Variants in DPPA3 observed in about 807,000 individuals in gnomAD.
The protein encoded by DPPA3 is developmental pluripotency-associated protein 3.
Under a neutral mutation model 15.6 loss-of-function variants are expected in DPPA3, and 9 were observed. That is an observed-to-expected ratio of 0.58 (90% CI 0.35 to 1.01). The LOEUF is 1.01. Ranked by LOEUF, DPPA3 falls within the 50% of genes least tolerant of loss-of-function variation. DPPA3 has a pLI of 0.02. For synonymous variants in DPPA3, 61 were observed against 70.9 expected, an observed-to-expected ratio of 0.86 and a Z score of 0.70; for missense variants, 148 against 194.6, an observed-to-expected ratio of 0.76 and a Z score of 1.42.
At chr12:7,713,014 C>T (rs1005287822) in intron 1 of DPPA3, among the ~76,000 whole-genome samples, 4 of 152,256 alleles carry the variant, frequency 2.6e-5, no homozygotes, top group African/African-American at 4.8e-5. Flanking sequence ...CGGAGGGCGG[C>T]TTATCTAGAA....
intron 1 of DPPA3, among the ~76,000 whole-genome samples, chr12:7,713,728 G>A (rs1254603892): frequency 6.6e-6 from 1 of 152,182 alleles, no homozygotes; most frequent in East Asian, 1.9e-4. Context: ...GCCCAGTTTT[G>A]CTTAAGGATG....
chr12:7,712,462 A>AT (rs1056272942), intron 1 of DPPA3, among the ~76,000 whole-genome samples: 1 of 151,080 alleles, frequency 6.6e-6, no homozygotes, highest in African/African-American at 2.4e-5. Context: ...TTATTTATAT[A>AT]TTTTTTTGAG....
chr12:7,712,606 C>T (rs1864357026), intron 1 of DPPA3, among the ~76,000 whole-genome samples: 3 of 152,186 alleles, frequency 2.0e-5, no homozygotes, highest in African/African-American at 7.2e-5. Flanking sequence ...GCCACCACGC[C>T]CGGCTAATCT....
chr12:7,713,151 C>A (rs991806382), intron 1 of DPPA3, among the ~76,000 whole-genome samples: 3 of 152,244 alleles, frequency 2.0e-5, no homozygotes, highest in African/African-American at 7.2e-5. Flanking sequence ...TTATTTATGA[C>A]CCTGACAGCG....
chr12:7,716,106 A>C, intron 2 of DPPA3, 92 bp from the exon 3 acceptor site: 1 of 1,176,850 alleles, frequency 8.5e-7, no homozygotes, highest in East Asian at 2.5e-5. Context: ...CTGTCTCAAC[A>C]AATTCCCTAG....
rs1864389551 is a variant in DPPA3 at position 7,715,441 on chromosome 12, A to C, written c.327+14A>C. On this transcript the variant is annotated intron_variant, in intron 2 of 3. Coordinates refer to ENST00000345088, the MANE Select transcript of DPPA3 (RefSeq NM_199286.4). ...GGAGTTCGTACGGTATGTTGATGTG[A>C]TGTGGCCGGGGCTGTCCAATTCCGG... 1 of 1,613,690 alleles carries C rather than the reference A, an allele frequency of 6.2e-7. No homozygotes were observed. Among genetic ancestry groups the C allele is most frequent in the African/African-American group, 1.3e-5 (1 of 74,888 alleles).
chr12:7,716,327 A>T (rs1864399164), intron 3 of DPPA3, 88 bp downstream of exon 3: 2 of 1,072,588 alleles, frequency 1.9e-6, no homozygotes, highest in African/African-American at 3.3e-5. Context: ...TTTTGCCGGA[A>T]TAGGGAATTA....
Position 7,715,177 on chromosome 12 carries a change from T to C in DPPA3, c.83-6T>C, listed in dbSNP as rs1433549874. 3.1e-6 allele frequency: 5 copies of C among 1,613,052 alleles called. No individual in the cohort carries two copies. The highest frequency in any genetic ancestry group is 1.3e-5 in the African/African-American group (1 of 74,890). On this transcript the variant is annotated splice_region_variant and splice_polypyrimidine_tract_variant and intron_variant, in intron 1 of 3. Coordinates refer to ENST00000345088, the MANE Select transcript of DPPA3 (RefSeq NM_199286.4). ...TAATGTAATGGCTTTTAACCTTCTC[T>C]TTCAGGGGCCTCTCAAATCTCCTCC...
At chr12:7,716,633 G>T (rs1311566731) in intron 3 of DPPA3, among the ~76,000 whole-genome samples, 3 of 152,044 alleles carry the variant, frequency 2.0e-5, no homozygotes, top group Non-Finnish European at 4.4e-5. Flanking sequence ...ATATCTTCAC[G>T]GTAGCACTGT....
At position 7,712,159 on chromosome 12, in the gene DPPA3, C is replaced by G. The variant is rs7296662; in HGVS notation, c.82+507C>G. ...CTTGATCTCCTTACCTCGTGATCCGCCCGCCTCGGCCTCCCAAAGTACTGG... is the reference window on the plus strand; with the variant it reads ...CTTGATCTCCTTACCTCGTGATCCGGCCGCCTCGGCCTCCCAAAGTACTGG... On this transcript the variant is annotated intron_variant, in intron 1 of 3. Coordinates refer to ENST00000345088, the MANE Select transcript of DPPA3 (RefSeq NM_199286.4). Among the ~76,000 whole-genome samples, 368 of 149,746 alleles carry G rather than the reference C, an allele frequency of 2.5e-3. 3 individuals are homozygous for G. Among genetic ancestry groups the G allele is most frequent in the African/African-American group, 8.9e-3 (361 of 40,736 alleles).
chr12:7,716,903 A>G, intron 3 of DPPA3, 64 bp from the exon 4 acceptor site: 1 of 1,388,082 alleles, frequency 7.2e-7, no homozygotes, highest in South Asian at 1.2e-5. Context: ...ATTATAGTTG[A>G]GGGCTTATTA....
chr12:7,715,554 G>T, intron 2 of DPPA3, 127 bp downstream of exon 2: 2 of 1,414,928 alleles, frequency 1.4e-6, no homozygotes, highest in East Asian at 2.4e-5. Flanking sequence ...TGAGCACTTC[G>T]GGAGGCTGAG....
chr12:7,711,474 T>C lies in DPPA3; in HGVS notation c.-97T>C. On this transcript the variant is annotated 5_prime_UTR_variant, in exon 1 of 4. Coordinates refer to ENST00000345088, the MANE Select transcript of DPPA3 (RefSeq NM_199286.4). ...TTCGTTGGAGCTCCGGTTTTCAGCCTCTTTCCGGGCTACCTGGTAGCAATT... is the reference window on the plus strand; with the variant it reads ...TTCGTTGGAGCTCCGGTTTTCAGCCCCTTTCCGGGCTACCTGGTAGCAATT... The C allele has an allele frequency of 8.7e-7, 1 of 1,153,154 alleles. No individual in the cohort carries two copies. Among genetic ancestry groups the C allele is most frequent in the Non-Finnish European group, 1.2e-6 (1 of 822,416 alleles). 71.4% of individuals were successfully genotyped at this position (1,153,154 alleles called of 1,614,324 possible).
intron 1 of DPPA3, among the ~76,000 whole-genome samples, 191 bp from the exon 2 acceptor site, chr12:7,714,992 C>T (rs1174997991): frequency 6.6e-6 from 1 of 152,138 alleles, no homozygotes; most frequent in African/African-American, 2.4e-5. Flanking sequence ...GGATTACAGG[C>T]GTGAGCCACC....
chr12:7,712,933 C>T (rs1200370110), intron 1 of DPPA3, among the ~76,000 whole-genome samples: 1 of 152,158 alleles, frequency 6.6e-6, no homozygotes, highest in Non-Finnish European at 1.5e-5. Flanking sequence ...AGACTAACAG[C>T]TTCACTGGGA....
At position 7,715,283 on chromosome 12, in the gene DPPA3, C is replaced by T. The variant is rs760662809; in HGVS notation, c.183C>T (p.Leu61=). 4.3e-6 allele frequency: 7 copies of T among 1,613,910 alleles called. No individual in the cohort carries two copies. Among genetic ancestry groups the T allele is most frequent in the Non-Finnish European group, 5.9e-6 (7 of 1,179,886 alleles). The change falls in exon 2 of 4, where the codon CTC becomes CTT. Residue 61 remains leucine (L), a synonymous_variant. Coordinates refer to ENST00000345088, the MANE Select transcript of DPPA3 (RefSeq NM_199286.4). The part of the protein sequence containing the change: ...ESVSPLSEAL[L]RRESVGAAVL... ...TTTCCCCTCTATCGGAAGCTTTACTCCGTCGAGAGTCTGTAGGAGCAGCAG... is the reference window on the plus strand; with the variant it reads ...TTTCCCCTCTATCGGAAGCTTTACTTCGTCGAGAGTCTGTAGGAGCAGCAG...
Position 7,716,348 on chromosome 12 carries a change from T to A in DPPA3, c.369+109T>A, listed in dbSNP as rs1864399294. ...CGGAATAGGGAATTAGGGAATTTGC[T>A]TGGACTTTCTGAATCCCCAGGGACT... On this transcript the variant is annotated intron_variant, in intron 3 of 3. Coordinates refer to ENST00000345088, the MANE Select transcript of DPPA3 (RefSeq NM_199286.4). 3 of 870,260 alleles carry A rather than the reference T, an allele frequency of 3.4e-6. No individual in the cohort carries two copies. The South Asian group carries it at 5.4e-5, about 16-fold the overall frequency. The allele number at this position is 870,260 out of a possible 1,614,324, so 53.9% of individuals were successfully genotyped here.
At chr12:7,715,483 A>AT in intron 2 of DPPA3, 56 bp downstream of exon 2, 1 of 1,611,626 alleles carries the variant, frequency 6.2e-7, no homozygotes, top group Non-Finnish European at 8.5e-7. Flanking sequence ...ACACTCATAA[A>AT]TTAAGACCTA....
Position 7,715,278 on chromosome 12 carries a change from T to G in DPPA3, c.178T>G (p.Leu60Val), listed in dbSNP as rs1864385813. ...ATCTGTTTCCCCTCTATCGGAAGCT[T>G]TACTCCGTCGAGAGTCTGTAGGAGC... is the stretch of plus-strand genomic sequence containing the variant. ...SESVSPLSEA[L>V]LRRESVGAAV... The change falls in exon 2 of 4, where the codon TTA becomes GTA. Residue 60 changes from leucine (L) to valine (V), a missense_variant. Transcript: ENST00000345088. 1 of 1,613,914 alleles carries G rather than the reference T, an allele frequency of 6.2e-7. No homozygotes were observed.
Sources: allele counts gnomAD v4.1 joint callset (sites outside exome capture counted in the v4.1 genomes callset), GRCh38; gene constraint gnomAD v4.1.1; transcripts MANE v1.5; gene names NCBI Gene and HGNC (gene_info 2026-07-23, HGNC 2026-07-21).